KANSL1: variants seen among roughly 807,000 people sequenced by gnomAD.
KANSL1 encodes the protein MLL1/MLL complex subunit KANSL1.
Under a neutral mutation model 103.6 loss-of-function variants are expected in KANSL1, and 22 were observed. That is an observed-to-expected ratio of 0.21 (90% CI 0.15 to 0.30). KANSL1 has a LOEUF of 0.30. KANSL1 is among the 10% of genes least tolerant of loss of function. The probability of loss-of-function intolerance (pLI) is 1.00; values close to 1 mark genes in which losing one functional copy is unlikely to be tolerated. For missense variants in KANSL1, 1,337 were observed against 1,399.8 expected (o/e 0.96, Z 0.72); for synonymous variants, 600 against 527.6 (o/e 1.14, Z -1.88).
At chr17:46,176,780 A>G (rs552929339) in intron 1 of KANSL1, among the ~76,000 whole-genome samples, 5 of 152,266 alleles carry the variant, frequency 3.3e-5, no homozygotes, top group Non-Finnish European at 5.9e-5. Context: ...TTCAAAGACA[A>G]TAGTTTATTT....
chr17:46,151,825 T>C lies in KANSL1; in HGVS notation c.1289+19030A>G, dbSNP rs182233274. 1.2e-3 allele frequency among the ~76,000 whole-genome samples: 183 copies of C among 152,368 alleles called. 3 individuals carry two copies. The highest frequency in any genetic ancestry group is 8.9e-3 in the East Asian group (46 of 5,192). ...CTTAATTTGGGGCTTTAGGGAATCATTAATACCCATGTTTCTGGAAGGAAA... is the reference window on the plus strand; with the variant it reads ...CTTAATTTGGGGCTTTAGGGAATCACTAATACCCATGTTTCTGGAAGGAAA... On this transcript the variant is annotated intron_variant, in intron 2 of 14. Transcript: ENST00000432791.
chr17:46,058,743 A>T lies in KANSL1; in HGVS notation c.1848+7794T>A, dbSNP rs79070243. Among the ~76,000 whole-genome samples the T allele has an allele frequency of 8.5e-3, 574 of 67,796 alleles. 7 individuals carry two copies. The highest frequency in any genetic ancestry group is 0.045 in the East Asian group (146 of 3,220). The allele number at this position is 67,796 out of a possible 152,430, so 44.5% of individuals were successfully genotyped here. The stretch of plus-strand genomic sequence containing the variant: ...CACACACACACACACACACACACAC[A>T]CTCTCTCTCTCTCTCTCTCTCTCTC... On this transcript the variant is annotated intron_variant, in intron 6 of 14. Transcript: ENST00000432791.
chr17:46,125,740 T>G (rs772616898), intron 2 of KANSL1, among the ~76,000 whole-genome samples: 6 of 152,214 alleles, frequency 3.9e-5, no homozygotes, highest in Non-Finnish European at 8.8e-5. Flanking sequence ...AGTACCCTTT[T>G]GATCAATTAG....
chr17:46,148,631 G>C (rs1259610328), intron 2 of KANSL1, among the ~76,000 whole-genome samples: 1 of 150,692 alleles, frequency 6.6e-6, no homozygotes, highest in Non-Finnish European at 1.5e-5. Flanking sequence ...CTGTCGCCCA[G>C]GCTGAAGTAT....
chr17:46,221,292 C>A (rs1205294287), intron 1 of KANSL1: 1 of 152,044 alleles, frequency 6.6e-6, no homozygotes, highest in East Asian at 1.9e-4. Context: ...CCATGCTACA[C>A]ACTAAAGACC....
At position 46,033,131 on chromosome 17, in the gene KANSL1, C is replaced by T. The variant is rs2077056067; in HGVS notation, c.2786G>A (p.Arg929Lys). ...ACTCGTGGTCCACAGCCACCGTGCC[C>T]TCTCCATCTCCTCACATTTGGCATG... ...ALHAKCEEMERARWLWTTSVP... is the reference protein window; with the variant it reads ...ALHAKCEEMEKARWLWTTSVP... The change falls in exon 13 of 15, where the codon AGG becomes AAG. Residue 929 changes from arginine to lysine, a missense_variant. Arg to Lys is a conservative substitution (Grantham distance 26). Around this residue, in one of 2 missense-constraint regions of KANSL1, gnomAD observed 780 missense variants for 923.4 expected, o/e 0.84. Transcript: ENST00000432791. The T allele has an allele frequency of 6.2e-7, 1 of 1,605,358 alleles. No individual in the cohort carries two copies.
At chr17:46,090,060 A>T (rs1166245100) in intron 3 of KANSL1, among the ~76,000 whole-genome samples, 31 of 152,226 alleles carry the variant, frequency 2.0e-4, no homozygotes, top group Non-Finnish European at 4.1e-4. Flanking sequence ...AGAGCCATTT[A>T]GTGTGGGCTC....
chr17:46,202,259 A>C (rs1198304728), intron 1 of KANSL1, among the ~76,000 whole-genome samples: 3 of 152,258 alleles, frequency 2.0e-5, no homozygotes, highest in African/African-American at 7.2e-5. Context: ...TCATGTTTAG[A>C]TTTGGATCCC....
At chr17:46,035,968 G>A (rs1304721254) in intron 10 of KANSL1, 6 of 148,888 alleles carry the variant, frequency 4.0e-5, no homozygotes, top group Non-Finnish European at 7.4e-5. Context: ...CAGGTGATGA[G>A]AATAAAACTG....
At chr17:46,156,397 G>C (rs1421117052) in intron 2 of KANSL1, among the ~76,000 whole-genome samples, 2 of 152,044 alleles carry the variant, frequency 1.3e-5, no homozygotes, top group Non-Finnish European at 2.9e-5. Flanking sequence ...GTCAGTATCT[G>C]ATAGTGTTTA....
chr17:46,130,186 C>CAAAAAAAAAAAAAAAAA (rs1172626506), intron 2 of KANSL1, among the ~76,000 whole-genome samples: 2 of 57,700 alleles, frequency 3.5e-5, no homozygotes, highest in Non-Finnish European at 7.1e-5. Flanking sequence ...GATCCTGTCT[C>CAAAAAAAAAAAAAAAAA]CAAAAAAAAA....
intron 4 of KANSL1, among the ~76,000 whole-genome samples, chr17:46,072,848 C>T (rs901800903): frequency 1.3e-5 from 2 of 152,160 alleles, no homozygotes; most frequent in Non-Finnish European, 2.9e-5. Context: ...AATGCTGTTA[C>T]TAATCCAATG....
intron 2 of KANSL1, among the ~76,000 whole-genome samples, chr17:46,142,355 C>T (rs2044464263): frequency 6.6e-6 from 1 of 152,228 alleles, no homozygotes; most frequent in African/African-American, 2.4e-5. Flanking sequence ...TGGCTCATGC[C>T]TGTAATCACA....
intron 7 of KANSL1, among the ~76,000 whole-genome samples, chr17:46,048,127 C>G (rs1244229437): frequency 6.6e-6 from 1 of 151,968 alleles, no homozygotes; most frequent in Non-Finnish European, 1.5e-5. Context: ...ATGCTGGTCT[C>G]AAACTTCTGA....
intron 2 of KANSL1, among the ~76,000 whole-genome samples, chr17:46,154,092 T>C (rs1002657888): frequency 1.9e-4 from 29 of 152,162 alleles, no homozygotes; most frequent in Admixed American, 5.2e-4. Flanking sequence ...CACACCAGGA[T>C]AAAACGATGT....
chr17:46,031,719 T>G lies in KANSL1; in HGVS notation c.3091-16A>C. 1.9e-6 allele frequency: 3 copies of G among 1,582,224 alleles called. No individual in the cohort carries two copies. The highest frequency in any genetic ancestry group is 2.6e-6 in the Non-Finnish European group (3 of 1,157,882). On this transcript the variant is annotated splice_polypyrimidine_tract_variant and intron_variant, in intron 14 of 14. Coordinates refer to ENST00000432791, the MANE Select transcript of KANSL1 (RefSeq NM_015443.4). Reference sequence around the variant, plus strand: ...GCTGGACAGACTGTAGGCAGACAAGTTGCTCTTTGAGGACCCAGTCCCAGC... The same window carrying G: ...GCTGGACAGACTGTAGGCAGACAAGGTGCTCTTTGAGGACCCAGTCCCAGC...
chr17:46,172,765 G>A (rs1004167180), intron 1 of KANSL1, among the ~76,000 whole-genome samples: 14 of 152,222 alleles, frequency 9.2e-5, no homozygotes, highest in Non-Finnish European at 1.8e-4. Flanking sequence ...AAAGCTAACT[G>A]TACCACATCT....
chr17:46,075,347 CTCTT>C (rs2078724742), intron 4 of KANSL1, among the ~76,000 whole-genome samples: 1 of 149,496 alleles, frequency 6.7e-6, no homozygotes, highest in Non-Finnish European at 1.5e-5. Context: ...CACACACTCT[CTCTT>C]TCTTTCTGAC....
chr17:46,200,525 G>A (rs918971200), intron 1 of KANSL1, among the ~76,000 whole-genome samples: 29 of 152,250 alleles, frequency 1.9e-4, no homozygotes, highest in Admixed American at 6.5e-4. Context: ...GGCAGATCAC[G>A]AGATCCGGAG....
Sources: gnomAD v4.1 joint callset for allele counts (sites outside exome capture counted in the v4.1 genomes callset) on GRCh38, gnomAD v4.1.1 for gene constraint, gnomAD v4.1.1 regional missense constraint, MANE v1.5 for transcripts, NCBI Gene and HGNC (gene_info 2026-07-23, HGNC 2026-07-21) for gene names.